Variants in MAP3K7 observed in about 807,000 individuals in gnomAD.
MAP3K7 encodes the protein mitogen-activated protein kinase kinase kinase 7.
MAP3K7 carries 21 observed loss-of-function variants against 84.8 expected under a neutral mutation model. That is an observed-to-expected ratio of 0.25 (90% CI 0.18 to 0.36). The LOEUF (loss-of-function observed/expected upper bound fraction) is 0.36, where lower values mean the gene tolerates loss of function less well. Among genes scored for constraint, MAP3K7 ranks in the 10% least tolerant of loss-of-function variants. The pLI is 1.00. For synonymous variants in MAP3K7, 241 were observed against 247.7 expected, an observed-to-expected ratio of 0.97 and a Z score of 0.25; for missense variants, 503 against 747.7, an observed-to-expected ratio of 0.67 and a Z score of 3.82.
At chr6:90,526,817 C>G (rs1180434857) in intron 13 of MAP3K7, among the ~76,000 whole-genome samples, 1 of 151,888 alleles carries the variant, frequency 6.6e-6, no homozygotes, top group Non-Finnish European at 1.5e-5. Flanking sequence ...ATCAAACATT[C>G]AAGATAAGGA....
chr6:90,576,488 T>C (rs546666656), intron 1 of MAP3K7, among the ~76,000 whole-genome samples: 3 of 149,460 alleles, frequency 2.0e-5, no homozygotes, highest in South Asian at 2.1e-4. Context: ...ACAACTAATA[T>C]AAAGCTTTGC....
In MAP3K7 at chr6:90,515,371, T is replaced by C. The variant is rs948746310; in HGVS notation, c.*1130A>G. The C allele has an allele frequency of 6.6e-6, 1 of 151,972 alleles. No homozygotes were observed. The highest frequency in any genetic ancestry group is 2.4e-5 in the African/African-American group (1 of 41,428). 9.4% of individuals were successfully genotyped at this position (151,972 alleles called of 1,614,324 possible). On this transcript the variant is annotated 3_prime_UTR_variant, in exon 17 of 17. Coordinates refer to ENST00000369329, the MANE Select transcript of MAP3K7 (RefSeq NM_145331.3). Reference sequence around the variant, plus strand: ...GGTAGCAAAATTACTGTTAACAATATAAATACTCTGTAAGTGTTGAAATTC... The same window carrying C: ...GGTAGCAAAATTACTGTTAACAATACAAATACTCTGTAAGTGTTGAAATTC...
At chr6:90,528,322 TACAA>T (rs1775390147) in intron 13 of MAP3K7, among the ~76,000 whole-genome samples, 1 of 152,158 alleles carries the variant, frequency 6.6e-6, no homozygotes, top group Non-Finnish European at 1.5e-5. Context: ...TCAACATATA[TACAA>T]ACACTCAAAT....
intron 13 of MAP3K7, among the ~76,000 whole-genome samples, chr6:90,528,851 T>C (rs543257723): frequency 5.5e-4 from 84 of 152,330 alleles, no homozygotes; most frequent in African/African-American, 1.9e-3. Flanking sequence ...GAAATATGAC[T>C]TTCATTTTGG....
chr6:90,583,185 A>AT (rs1305494336), intron 1 of MAP3K7, among the ~76,000 whole-genome samples: 1 of 152,136 alleles, frequency 6.6e-6, no homozygotes, highest in Non-Finnish European at 1.5e-5. Flanking sequence ...ACCAAGCCCT[A>AT]TTTATCTTTT....
chr6:90,521,257 C>CGTGT (rs59945419), intron 14 of MAP3K7, among the ~76,000 whole-genome samples: 533 of 148,644 alleles, frequency 3.6e-3, no homozygotes, highest in Admixed American at 5.3e-3. Context: ...AAGTTTTTTG[C>CGTGT]GTGTGTGTGT....
chr6:90,585,060 G>A (rs1456469480), intron 1 of MAP3K7, among the ~76,000 whole-genome samples: 1 of 152,180 alleles, frequency 6.6e-6, no homozygotes, highest in East Asian at 1.9e-4. Flanking sequence ...ATATGTGTCA[G>A]GCCCTGTGGT....
chr6:90,558,780 T>A (rs181755397), intron 5 of MAP3K7, among the ~76,000 whole-genome samples: 2 of 152,342 alleles, frequency 1.3e-5, no homozygotes, highest in East Asian at 3.9e-4. Context: ...AAGATATTTC[T>A]CCATATATTG....
intron 11 of MAP3K7, among the ~76,000 whole-genome samples, chr6:90,546,419 G>C (rs1776002611): frequency 6.6e-6 from 1 of 152,114 alleles, no homozygotes; most frequent in Non-Finnish European, 1.5e-5. Flanking sequence ...ACACAAAAAT[G>C]TTAAGTGTTT....
intron 8 of MAP3K7, chr6:90,551,821 G>A: frequency 7.6e-6 from 3 of 392,522 alleles, no homozygotes; most frequent in South Asian, 7.4e-5. Flanking sequence ...AAAGAAAAAA[G>A]CAAGTCTAGA....
chr6:90,585,775 TTC>T lies in MAP3K7; in HGVS notation c.120+987_120+988del, dbSNP rs71707157. 8.3e-3 allele frequency among the ~76,000 whole-genome samples: 1,268 copies of T among 152,344 alleles called. 16 individuals carry two copies. Among genetic ancestry groups the T allele is most frequent in the African/African-American group, 0.029 (1,208 of 41,570 alleles). ...TAGCGATTTCTAGTCTAATATTATATTCTGATTGTCACCGAAATCATTCGTTA... is the reference window on the plus strand; with the variant it reads ...TAGCGATTTCTAGTCTAATATTATATTGATTGTCACCGAAATCATTCGTTA... On this transcript the variant is annotated intron_variant, in intron 1 of 16. Coordinates refer to ENST00000369329, the MANE Select transcript of MAP3K7 (RefSeq NM_145331.3).
chr6:90,546,339 G>C (rs528042428), intron 11 of MAP3K7, among the ~76,000 whole-genome samples: 2 of 152,116 alleles, frequency 1.3e-5, no homozygotes, highest in South Asian at 2.1e-4. Flanking sequence ...GGTTAGCTAA[G>C]TTAAAAAAGA....
At chr6:90,581,301 T>C (rs568584351) in intron 1 of MAP3K7, among the ~76,000 whole-genome samples, 1 of 152,226 alleles carries the variant, frequency 6.6e-6, no homozygotes, top group Non-Finnish European at 1.5e-5. Flanking sequence ...TGACTACAGC[T>C]GTCAGTTTCA....
At chr6:90,577,436 A>T (rs1232632966) in intron 1 of MAP3K7, among the ~76,000 whole-genome samples, 1 of 152,208 alleles carries the variant, frequency 6.6e-6, no homozygotes, top group East Asian at 1.9e-4. Context: ...CAAACTTGGG[A>T]GTCATTAGCA....
At chr6:90,550,588 T>C in intron 8 of MAP3K7, 39 bp from the exon 9 acceptor site, 1 of 1,254,906 alleles carries the variant, frequency 8.0e-7, no homozygotes, top group Non-Finnish European at 1.2e-6. Context: ...AAAATTTCCT[T>C]AATACAAATT....
intron 14 of MAP3K7, among the ~76,000 whole-genome samples, chr6:90,519,655 C>T (rs1775083504): frequency 6.6e-6 from 1 of 151,870 alleles, no homozygotes; most frequent in South Asian, 2.1e-4. Flanking sequence ...TTAATTGACC[C>T]TATCTAATCA....
At chr6:90,558,811 T>C (rs1307030584) in intron 5 of MAP3K7, among the ~76,000 whole-genome samples, 1 of 152,232 alleles carries the variant, frequency 6.6e-6, no homozygotes. Context: ...AATCATTTAT[T>C]CCAAAGCCAA....
In MAP3K7 at chr6:90,553,590, G is replaced by GA. The variant is rs200692753; in HGVS notation, c.608-5dup. 4.7e-3 allele frequency: 6,380 copies of GA among 1,366,964 alleles called. No homozygotes were observed. Among genetic ancestry groups the GA allele is most frequent in the South Asian group, 5.7e-3 (399 of 69,872 alleles). The allele number at this position is 1,366,964 out of a possible 1,614,324, so 84.7% of individuals were successfully genotyped here. A position where few individuals can be genotyped will look rare whatever the true frequency, so the allele number is the denominator to read the frequency against. On this transcript the variant is annotated splice_polypyrimidine_tract_variant and splice_region_variant and intron_variant, in intron 6 of 16. Transcript: ENST00000369329. ...CATTTTTCACTGTAATTACTACCTA[G>GA]AAAAAAAAAAGGTAGTATATAACCT...
chr6:90,579,573 C>G (rs942886321), intron 1 of MAP3K7, among the ~76,000 whole-genome samples: 2 of 152,190 alleles, frequency 1.3e-5, no homozygotes, highest in Admixed American at 1.3e-4. Context: ...GTCCTACAGG[C>G]TTATTAAGTT....
Sources: allele counts gnomAD v4.1 joint callset (sites outside exome capture counted in the v4.1 genomes callset), GRCh38; gene constraint gnomAD v4.1.1; transcripts MANE v1.5; gene names NCBI Gene and HGNC (gene_info 2026-07-23, HGNC 2026-07-21).